Variants in NUSAP1 observed in about 807,000 individuals in gnomAD.
NUSAP1 encodes the protein nucleolar and spindle associated protein 1, also known as nucleolar and spindle-associated protein 1.
NUSAP1 carries 32 observed loss-of-function variants against 52.8 expected under a neutral mutation model. The ratio of observed to expected loss-of-function variants is 0.61; its 90% CI spans 0.46 to 0.81. The LOEUF (loss-of-function observed/expected upper bound fraction) is 0.81, where lower values mean the gene tolerates loss of function less well. Among genes scored for constraint, NUSAP1 ranks in the 40% least tolerant of loss-of-function variants. The pLI is 0.00. For missense variants in NUSAP1, 499 were observed against 522.3 expected (o/e 0.96, Z 0.43); for synonymous variants, 195 against 183.1 (o/e 1.06, Z -0.52).
chr15:41,365,551 C>G lies in NUSAP1; in HGVS notation c.810C>G (p.Leu270=). 1.2e-6 allele frequency: 2 copies of G among 1,611,946 alleles called. No individual in the cohort carries two copies. Among genetic ancestry groups the G allele is most frequent in the Non-Finnish European group, 1.7e-6 (2 of 1,178,850 alleles). The change falls in exon 7 of 11, where the codon CTC becomes CTG. Residue 270 remains leucine (L), a synonymous_variant. Coordinates refer to ENST00000559596, the MANE Select transcript of NUSAP1 (RefSeq NM_016359.5). ...SQSTLGLKGS[L]KRSAISAAKT... ...GTACCTTGGGTCTGAAGGGGTCACTCAAGCGCTCTGCTATCTCTGCAGCTA... is the reference window on the plus strand; with the variant it reads ...GTACCTTGGGTCTGAAGGGGTCACTGAAGCGCTCTGCTATCTCTGCAGCTA...
Position 41,380,149 on chromosome 15 carries a change from T to C in NUSAP1, c.1289T>C (p.Leu430Ser), listed in dbSNP as rs1365052792. 1.3e-6 allele frequency: 2 copies of C among 1,586,970 alleles called. No individual in the cohort carries two copies. The highest frequency in any genetic ancestry group is 1.7e-6 in the Non-Finnish European group (2 of 1,166,550). The change falls in exon 11 of 11, where the codon TTG (leucine) becomes TCG (serine). Residue 430 changes from leucine (L) to serine (S), a missense_variant. Leu to Ser is a moderately radical substitution (Grantham distance 145). Transcript: ENST00000559596. Reference protein sequence around the residue: ...QERKEKKAKVLGMRRGLILAE... With the variant: ...QERKEKKAKVSGMRRGLILAE... ...CGAAAGGAGAAGAAAGCAAAGGTTT[T>C]GGGAATGCGAAGGGGCCTCATTTTG...
At chr15:41,378,799 G>GGT (rs2050081751) in intron 10 of NUSAP1, among the ~76,000 whole-genome samples, 1 of 151,048 alleles carries the variant, frequency 6.6e-6, no homozygotes, top group South Asian at 2.1e-4. Context: ...CAAAGTCAAA[G>GGT]GTCAAGCTCA....
At chr15:41,333,195 T>G in intron 1 of NUSAP1, 145 bp downstream of exon 1, 1 of 646,880 alleles carries the variant, frequency 1.5e-6, no homozygotes, top group Non-Finnish European at 2.7e-6. Flanking sequence ...TTCACGGTAG[T>G]CCCAGTTAGA....
At chr15:41,351,577 G>T (rs1388763887) in intron 4 of NUSAP1, among the ~76,000 whole-genome samples, 1 of 152,124 alleles carries the variant, frequency 6.6e-6, no homozygotes, top group African/African-American at 2.4e-5. Flanking sequence ...CTTGAGCCTA[G>T]GAGTTCAGGA....
chr15:41,373,189 A>G (rs2049776187), intron 8 of NUSAP1, among the ~76,000 whole-genome samples: 1 of 151,686 alleles, frequency 6.6e-6, no homozygotes, highest in South Asian at 2.1e-4. Flanking sequence ...GCATGGTGGC[A>G]TGGAGACCAA....
rs1359796604 is a variant in NUSAP1, at chr15:41,358,143, T to G, written c.551-6T>G. ...TGTTATTAATTTTTATATTGGAACATTCTAGACTTTAAGAAGCTTCATGAA... is the reference window on the plus strand; with the variant it reads ...TGTTATTAATTTTTATATTGGAACAGTCTAGACTTTAAGAAGCTTCATGAA... On this transcript the variant is annotated splice_polypyrimidine_tract_variant and splice_region_variant and intron_variant, in intron 5 of 10. Transcript: ENST00000559596. 13 of 1,301,124 alleles carry G rather than the reference T, an allele frequency of 1.0e-5. No individual in the cohort carries two copies. The highest frequency in any genetic ancestry group is 1.4e-5 in the Non-Finnish European group (13 of 916,688). 80.6% of individuals were successfully genotyped at this position (1,301,124 alleles called of 1,614,324 possible).
At chr15:41,348,155 C>G (rs1268613323) in intron 2 of NUSAP1, among the ~76,000 whole-genome samples, 3 of 152,064 alleles carry the variant, frequency 2.0e-5, no homozygotes, top group Non-Finnish European at 4.4e-5. Context: ...AAAGATGACC[C>G]TAAAGGAAAT....
rs539414838 is a variant in NUSAP1 at position 41,334,328 on chromosome 15, A to G, written c.93+1278A>G. Among the ~76,000 whole-genome samples, 65 of 152,284 alleles carry G rather than the reference A, an allele frequency of 4.3e-4. 1 individual carries two copies. In the South Asian group the frequency reaches 9.3e-3, roughly 22 times the overall value. On this transcript the variant is annotated intron_variant, in intron 1 of 10. Transcript: ENST00000559596. ...GAGATGGGGTTTCACCATGTTGGTC[A>G]GGCTGGTCTCGAACTCCTGACTTCC... is the stretch of plus-strand genomic sequence containing the variant.
At chr15:41,337,184 G>GT (rs2048189384) in intron 1 of NUSAP1, among the ~76,000 whole-genome samples, 1 of 151,508 alleles carries the variant, frequency 6.6e-6, no homozygotes, top group Non-Finnish European at 1.5e-5. Flanking sequence ...CCTGGCCAGT[G>GT]TTTTTTTGAA....
chr15:41,358,874 C>A (rs2049067710), intron 6 of NUSAP1, among the ~76,000 whole-genome samples: 1 of 152,144 alleles, frequency 6.6e-6, no homozygotes, highest in African/African-American at 2.4e-5. Flanking sequence ...ATCTTCTTTC[C>A]CTCGTCCCTT....
At chr15:41,377,051 A>G (rs2049969318) in intron 9 of NUSAP1, 145 bp from the exon 10 acceptor site, 3 of 541,096 alleles carry the variant, frequency 5.5e-6, no homozygotes, top group Non-Finnish European at 1.0e-5. Context: ...ACTGCACTCC[A>G]AACTGAGCGA....
chr15:41,344,625 G>A (rs1422651961), intron 2 of NUSAP1, among the ~76,000 whole-genome samples: 4 of 150,746 alleles, frequency 2.7e-5, no homozygotes, highest in Admixed American at 6.6e-5. Context: ...GCGACAAAGC[G>A]AGACTCCGTC....
chr15:41,377,210 T>C lies in NUSAP1; in HGVS notation c.1138T>C (p.Trp380Arg), dbSNP rs751873058. The change falls in exon 10 of 11, where the codon TGG becomes CGG. Residue 380 changes from tryptophan to arginine, a missense_variant. Coordinates refer to ENST00000559596, the MANE Select transcript of NUSAP1 (RefSeq NM_016359.5). Reference protein sequence around the residue: ...YEPHKGKLKPWGQSKENNYLN... With the variant: ...YEPHKGKLKPRGQSKENNYLN... ...TCCTAAACTAGGAAAGCTAAAACCA[T>C]GGGGGCAATCTAAAGAAAATAATTA... 1.3e-6 allele frequency: 2 copies of C among 1,512,508 alleles called. No homozygotes were observed. Among genetic ancestry groups the C allele is most frequent in the Non-Finnish European group, 1.8e-6 (2 of 1,122,308 alleles). 93.7% of individuals were successfully genotyped at this position (1,512,508 alleles called of 1,614,324 possible).
chr15:41,354,537 A>T (rs1016968214), intron 4 of NUSAP1, among the ~76,000 whole-genome samples: 1 of 151,832 alleles, frequency 6.6e-6, no homozygotes, highest in African/African-American at 2.4e-5. Context: ...AAATAAGTAT[A>T]GGAAGCAGAG....
At chr15:41,377,445 A>T (rs1293379534) in intron 10 of NUSAP1, 141 bp downstream of exon 10, 5 of 474,082 alleles carry the variant, frequency 1.1e-5, no homozygotes, top group African/African-American at 2.1e-5. Flanking sequence ...CACGCCTGTA[A>T]TCCCAGCACT....
intron 8 of NUSAP1, among the ~76,000 whole-genome samples, chr15:41,374,777 G>A (rs1470255793): frequency 5.9e-5 from 9 of 151,882 alleles, no homozygotes; most frequent in Admixed American, 5.9e-4. Context: ...CACCTGCCTC[G>A]GCCTCCCAAA....
Position 41,371,660 on chromosome 15 carries a change from A to G in NUSAP1, c.982A>G (p.Thr328Ala), listed in dbSNP as rs778003033. Residue 328 changes from threonine (T) to alanine (A), a missense_variant, in exon 8 of 11, where the codon ACC (threonine) becomes GCC (alanine). Physicochemically the swap from Thr to Ala is moderately conservative, Grantham distance 58 (BLOSUM62 0). Transcript: ENST00000559596. ...EAVLGTHKLKTITGNSAAVIT... is the reference protein window; with the variant it reads ...EAVLGTHKLKAITGNSAAVIT... ...TGTGCTTGGGACACACAAATTAAAG[A>G]CCATCACGGGGAATTCTGCTGCTGG... 11 of 1,588,646 alleles carry G rather than the reference A, an allele frequency of 6.9e-6. No individual in the cohort carries two copies. The highest frequency in any genetic ancestry group is 9.4e-6 in the Non-Finnish European group (11 of 1,173,388).
At chr15:41,377,628 G>A (rs1364458017) in intron 10 of NUSAP1, among the ~76,000 whole-genome samples, 2 of 148,574 alleles carry the variant, frequency 1.3e-5, no homozygotes, top group African/African-American at 5.0e-5. Flanking sequence ...GAACCCAGGA[G>A]GCAGAGCTTG....
chr15:41,348,126 A>AAAAG (rs1387232684), intron 2 of NUSAP1, among the ~76,000 whole-genome samples: 1 of 152,246 alleles, frequency 6.6e-6, no homozygotes, highest in East Asian at 1.9e-4. Flanking sequence ...TTGTCTCTAA[A>AAAAG]AAAGAAAGAA....
Sources: gnomAD v4.1 joint callset for allele counts (sites outside exome capture counted in the v4.1 genomes callset) on GRCh38, gnomAD v4.1.1 for gene constraint, MANE v1.5 for transcripts, NCBI Gene and HGNC (gene_info 2026-07-23, HGNC 2026-07-21) for gene names.